Variants in PLA2G12B observed in about 807,000 individuals in gnomAD.
PLA2G12B encodes group XIIB secretory phospholipase A2-like protein.
In PLA2G12B, 19 loss-of-function variants were observed where a neutral mutation model predicts 22.3. That is an observed-to-expected ratio of 0.85 (90% CI 0.60 to 1.25). The LOEUF (loss-of-function observed/expected upper bound fraction) is 1.25. Among genes scored for constraint, PLA2G12B ranks in the 50% most tolerant of loss-of-function variants. The probability of loss-of-function intolerance (pLI) is 0.00; values close to 1 mark genes in which losing one functional copy is unlikely to be tolerated. For missense variants in PLA2G12B, 191 were observed against 246.6 expected, an observed-to-expected ratio of 0.77 and a Z score of 1.51; for synonymous variants, 81 against 94.9, an observed-to-expected ratio of 0.85 and a Z score of 0.85.
intron 1 of PLA2G12B, among the ~76,000 whole-genome samples, chr10:72,947,594 T>C (rs1444508094): frequency 3.3e-5 from 5 of 152,200 alleles, no homozygotes; most frequent in Admixed American, 3.3e-4. Context: ...CACCTTAAAG[T>C]ATGCAATTAA....
chr10:72,953,951 G>A (rs770474291), intron 1 of PLA2G12B, among the ~76,000 whole-genome samples: 2 of 152,224 alleles, frequency 1.3e-5, no homozygotes, highest in African/African-American at 2.4e-5. Context: ...CTGGGAGGAC[G>A]GTGTGAACTG....
At chr10:72,945,151 T>C (rs754727051) in intron 1 of PLA2G12B, among the ~76,000 whole-genome samples, 1 of 152,170 alleles carries the variant, frequency 6.6e-6, no homozygotes, top group East Asian at 1.9e-4. Context: ...GGTTATAAGA[T>C]TGTGGTCCAA....
chr10:72,948,467 C>T (rs1457968245), intron 1 of PLA2G12B, among the ~76,000 whole-genome samples: 2 of 152,130 alleles, frequency 1.3e-5, no homozygotes, highest in South Asian at 2.1e-4. Flanking sequence ...TAGGCAGAAA[C>T]AGAAATCATT....
At chr10:72,952,898 A>G (rs1846554835) in intron 1 of PLA2G12B, among the ~76,000 whole-genome samples, 1 of 152,204 alleles carries the variant, frequency 6.6e-6, no homozygotes, top group South Asian at 2.1e-4. Context: ...CTGTTTTGCT[A>G]GAGAAGGAAG....
rs748859217 is a variant in PLA2G12B, at chr10:72,941,179, G to C, written c.456C>G (p.Ser152=). ...SDLKRSLGFV[S]KVEAACDSLV... is the part of the protein sequence containing the mutation. ...CATTGAGACACCTACCTTCCACTTT[G>C]GAGACAAAGCCCAGACTCCGCTTAA... The change falls in exon 3 of 4, where the codon TCC becomes TCG. Residue 152 remains serine, a synonymous_variant. Transcript: ENST00000373032. The C allele has an allele frequency of 1.9e-6, 3 of 1,613,974 alleles. No individual in the cohort carries two copies. The highest frequency in any genetic ancestry group is 2.5e-6 in the Non-Finnish European group (3 of 1,179,940).
At chr10:72,943,972 CT>C (rs1298285093) in intron 1 of PLA2G12B, among the ~76,000 whole-genome samples, 3 of 151,888 alleles carry the variant, frequency 2.0e-5, no homozygotes, top group Non-Finnish European at 4.4e-5. Context: ...TCTTTTCTTT[CT>C]TTCTTTTTCT....
chr10:72,938,576 C>A (rs1846314373), intron 3 of PLA2G12B, among the ~76,000 whole-genome samples: 1 of 152,080 alleles, frequency 6.6e-6, no homozygotes, highest in Non-Finnish European at 1.5e-5. Flanking sequence ...AATACAATTA[C>A]ATTTCAATAA....
At chr10:72,942,854 TC>T in intron 1 of PLA2G12B, 114 bp from the exon 2 acceptor site, 1 of 804,344 alleles carries the variant, frequency 1.2e-6, no homozygotes, top group South Asian at 1.6e-5. Context: ...TCTTTAAAAG[TC>T]ACTGTTCCTC....
At position 72,941,253 on chromosome 10, in the gene PLA2G12B, G is replaced by A. The variant is rs781543351; in HGVS notation, c.382C>T (p.Arg128Cys). The stretch of plus-strand genomic sequence containing the variant: ...CACCATCGGAATTTTGCATCACAGC[G>A]ATATTTGTTGGCACCGCAAGTGTCA... Reference protein sequence around the residue: ...CYDTCGANKYRCDAKFRWCLH... With the variant: ...CYDTCGANKYCCDAKFRWCLH... Residue 128 changes from arginine to cysteine, a missense_variant, in exon 3 of 4, where the codon CGC (arginine) becomes TGC (cysteine). By Grantham distance (180) the Arg-to-Cys change is radical. Coordinates refer to ENST00000373032, the MANE Select transcript of PLA2G12B (RefSeq NM_032562.5). 19 of 1,613,768 alleles carry A rather than the reference G, an allele frequency of 1.2e-5. No individual in the cohort carries two copies. In the African/African-American group the frequency reaches 1.6e-4, roughly 14 times the overall value.
chr10:72,954,290 A>G (rs1281216620), intron 1 of PLA2G12B, among the ~76,000 whole-genome samples, 185 bp downstream of exon 1: 1 of 152,224 alleles, frequency 6.6e-6, no homozygotes, highest in East Asian at 1.9e-4. Flanking sequence ...ACATACTTAT[A>G]CTAATGACTT....
Position 72,954,622 on chromosome 10 carries a change from C to A in PLA2G12B, c.64G>T (p.Asp22Tyr). The A allele has an allele frequency of 6.2e-7, 1 of 1,614,120 alleles. No homozygotes were observed. The highest frequency in any genetic ancestry group is 8.5e-7 in the Non-Finnish European group (1 of 1,180,032). The change falls in exon 1 of 4, where the codon GAC (aspartate) becomes TAC (tyrosine). Residue 22 changes from aspartate to tyrosine, a missense_variant. Transcript: ENST00000373032. Reference protein sequence around the residue: ...LSLGGGLAQSDTSPDTEESYS... With the variant: ...LSLGGGLAQSYTSPDTEESYS... ...GACTCCTCCGTGTCAGGGCTCGTGT[C>A]GCTCTGAGCCAGGCCACCCCCAAGG...
chr10:72,940,959 TG>T (rs1239026712), intron 3 of PLA2G12B, among the ~76,000 whole-genome samples: 10 of 152,162 alleles, frequency 6.6e-5, no homozygotes, highest in Admixed American at 6.5e-4. Flanking sequence ...TCAGGAGTGG[TG>T]CCAGCAGCTC....
intron 1 of PLA2G12B, among the ~76,000 whole-genome samples, chr10:72,951,465 T>A (rs960659165): frequency 1.4e-5 from 2 of 147,334 alleles, no homozygotes; most frequent in East Asian, 3.9e-4. Flanking sequence ...TTTTTTTTTT[T>A]TTTTTTTTTT....
intron 3 of PLA2G12B, among the ~76,000 whole-genome samples, 183 bp downstream of exon 3, chr10:72,940,986 A>G (rs1390844368): frequency 1.3e-5 from 2 of 152,192 alleles, no homozygotes; most frequent in Non-Finnish European, 1.5e-5. Flanking sequence ...CAGGACAGCA[A>G]GAACTTGAGT....
chr10:72,953,477 A>G (rs1357865694), intron 1 of PLA2G12B, among the ~76,000 whole-genome samples: 1 of 152,216 alleles, frequency 6.6e-6, no homozygotes, highest in Non-Finnish European at 1.5e-5. Flanking sequence ...TTTTCCTGTT[A>G]GGCTAAATTG....
At chr10:72,954,285 C>G (rs1452062321) in intron 1 of PLA2G12B, among the ~76,000 whole-genome samples, 190 bp downstream of exon 1, 1 of 152,184 alleles carries the variant, frequency 6.6e-6, no homozygotes, top group African/African-American at 2.4e-5. Context: ...ACTGGACATA[C>G]TTATACTAAT....
chr10:72,939,297 A>G (rs1372220794), intron 3 of PLA2G12B, among the ~76,000 whole-genome samples: 1 of 152,268 alleles, frequency 6.6e-6, no homozygotes, highest in Non-Finnish European at 1.5e-5. Flanking sequence ...ACACAGGGGC[A>G]GAAAGGAATG....
intron 1 of PLA2G12B, among the ~76,000 whole-genome samples, chr10:72,943,510 T>C (rs181890645): frequency 2.0e-5 from 3 of 152,308 alleles, no homozygotes; most frequent in East Asian, 1.9e-4. Flanking sequence ...CAGAGTATTA[T>C]TGAGTAAAGA....
In PLA2G12B at chr10:72,935,454, G is replaced by T; in HGVS notation, c.*163C>A. 9.4e-7 allele frequency: 1 copy of T among 1,064,048 alleles called. No individual in the cohort carries two copies. Among genetic ancestry groups the T allele is most frequent in the Non-Finnish European group, 1.3e-6 (1 of 743,730 alleles). 65.9% of individuals were successfully genotyped at this position (1,064,048 alleles called of 1,614,324 possible). On this transcript the variant is annotated 3_prime_UTR_variant, in exon 4 of 4. Coordinates refer to ENST00000373032, the MANE Select transcript of PLA2G12B (RefSeq NM_032562.5). ...ATGTCTTTTTTCAAATTTCCTCAAA[G>T]GATAGGACTCACTTTCCAGCTGTAG...
Sources: allele counts gnomAD v4.1 joint callset (sites outside exome capture counted in the v4.1 genomes callset), GRCh38; gene constraint gnomAD v4.1.1; transcripts MANE v1.5; gene names NCBI Gene and HGNC (gene_info 2026-07-23, HGNC 2026-07-21).